DAP3: variants seen among roughly 807,000 people sequenced by gnomAD.
DAP3 encodes the protein small ribosomal subunit protein mS29.
A neutral mutation model predicts 51.9 loss-of-function variants in DAP3; 28 were observed. The observed-to-expected ratio is 0.54, with a 90% confidence interval of 0.40 to 0.74. The LOEUF is 0.74. Ranked by LOEUF, DAP3 falls within the 30% of genes least tolerant of loss-of-function variation. The pLI, the probability that DAP3 is intolerant of heterozygous loss-of-function variation, is 0.00. For synonymous variants in DAP3, 170 were observed against 170.3 expected, an observed-to-expected ratio of 1.00 and a Z score of 0.01; for missense variants, 458 against 483.5, an observed-to-expected ratio of 0.95 and a Z score of 0.49.
intron 6 of DAP3, 144 bp downstream of exon 6, chr1:155,726,163 G>T: frequency 1.6e-6 from 1 of 631,624 alleles, no homozygotes; most frequent in Non-Finnish European, 2.5e-6. Flanking sequence ...GGCCAGTCTG[G>T]AGTGCAGAGG....
intron 1 of DAP3, among the ~76,000 whole-genome samples, chr1:155,696,093 G>A (rs944325469): frequency 3.3e-5 from 5 of 152,138 alleles, no homozygotes; most frequent in African/African-American, 1.2e-4. Context: ...ATTTGCATAT[G>A]AGCCTGTCCA....
intron 2 of DAP3, 60 bp downstream of exon 2, chr1:155,709,884 T>C: frequency 6.6e-7 from 1 of 1,520,346 alleles, no homozygotes; most frequent in Non-Finnish European, 9.0e-7. Context: ...CAGATTCTTG[T>C]TTTCAGATGG....
chr1:155,717,149 T>C (rs1571508243), intron 3 of DAP3, 21 bp downstream of exon 3: 1 of 1,607,612 alleles, frequency 6.2e-7, no homozygotes, highest in African/African-American at 1.3e-5. Flanking sequence ...AATATGTATA[T>C]GGGGTTTCTC....
rs1571526953 is a variant in DAP3, at chr1:155,721,938, A to G, written c.270+320A>G. ...TGCTGCACAAAAGCAAAATCATAGT[A>G]CACTCCTGAGCTAAATAGAAGCAAT... On this transcript the variant is annotated intron_variant, in intron 4 of 12. Transcript: ENST00000368336. 10 of 468,044 alleles carry G rather than the reference A, an allele frequency of 2.1e-5. No individual in the cohort carries two copies. In the East Asian group the frequency reaches 2.9e-4, roughly 13 times the overall value. 29.0% of individuals were successfully genotyped at this position (468,044 alleles called of 1,614,324 possible). A position where few individuals can be genotyped will look rare whatever the true frequency, so the allele number is the denominator to read the frequency against.
At chr1:155,718,417 G>C (rs139099643) in intron 3 of DAP3, among the ~76,000 whole-genome samples, 233 of 152,116 alleles carry the variant, frequency 1.5e-3, no homozygotes, top group African/African-American at 5.0e-3. Context: ...GAGTGAGGTG[G>C]CTCACGCCTG....
upstream of DAP3, chr1:155,688,676 C>G: frequency 1.3e-6 from 2 of 1,532,194 alleles, no homozygotes; most frequent in Non-Finnish European, 1.7e-6. Flanking sequence ...GGCGCGAGCC[C>G]AAGCCTTCTC....
intron 7 of DAP3, 141 bp from the exon 8 acceptor site, chr1:155,728,901 C>A: frequency 1.5e-6 from 1 of 687,332 alleles, no homozygotes; most frequent in Non-Finnish European, 2.4e-6. Flanking sequence ...TTCACTTCTA[C>A]ATTGAGGTCT....
chr1:155,702,144 C>A, intron 1 of DAP3, among the ~76,000 whole-genome samples: 1 of 133,942 alleles, frequency 7.5e-6, no homozygotes, highest in Admixed American at 7.5e-5. Context: ...AAAATTGATT[C>A]TGCCTATAAA....
chr1:155,701,140 T>A lies in DAP3; in HGVS notation c.-7-8633T>A, dbSNP rs376463629. On this transcript the variant is annotated intron_variant, in intron 1 of 12. Transcript: ENST00000368336. Reference sequence around the variant, plus strand: ...CCGGCCGCCCCTACTGGGAAGTGAGTAGCCCCTCTGCCCGGCCACCACCCC... The same window carrying A: ...CCGGCCGCCCCTACTGGGAAGTGAGAAGCCCCTCTGCCCGGCCACCACCCC... Among the ~76,000 whole-genome samples the A allele has an allele frequency of 2.6e-4, 29 of 109,646 alleles. No homozygotes were observed. In the East Asian group the frequency reaches 7.6e-3, roughly 29 times the overall value. 71.9% of individuals were successfully genotyped at this position (109,646 alleles called of 152,430 possible).
intron 4 of DAP3, among the ~76,000 whole-genome samples, chr1:155,723,794 T>C (rs1658262589): frequency 6.6e-6 from 1 of 152,158 alleles, no homozygotes; most frequent in Non-Finnish European, 1.5e-5. Flanking sequence ...ATTCCAGCAC[T>C]TTGGGAAGCT....
chr1:155,736,079 T>C (rs906649679), intron 11 of DAP3, among the ~76,000 whole-genome samples: 1 of 152,072 alleles, frequency 6.6e-6, no homozygotes, highest in East Asian at 1.9e-4. Context: ...GACCTTGTGA[T>C]CTGCCCGCCT....
chr1:155,689,557 T>G, intron 1 of DAP3: 1 of 379,952 alleles, frequency 2.6e-6, no homozygotes, highest in Non-Finnish European at 5.2e-6. Context: ...TGTTAGTTCC[T>G]TATCAAAAAG....
At chr1:155,727,426 C>T (rs1658723401) in intron 6 of DAP3, 182 bp from the exon 7 acceptor site, 4 of 484,262 alleles carry the variant, frequency 8.3e-6, no homozygotes, top group Admixed American at 4.6e-5. Flanking sequence ...ACTGTGATCA[C>T]ATCCTGCCTT....
intron 1 of DAP3, among the ~76,000 whole-genome samples, chr1:155,701,682 AT>A (rs1358157465): frequency 0.019 from 2,642 of 139,804 alleles, 77 homozygotes; most frequent in African/African-American, 0.078. Flanking sequence ...CAATAAAAAA[AT>A]AAATTAAAAA....
At chr1:155,735,838 A>ATTTTTTT (rs35138415) in intron 11 of DAP3, among the ~76,000 whole-genome samples, 1 of 82,462 alleles carries the variant, frequency 1.2e-5, no homozygotes, top group Non-Finnish European at 2.4e-5. Context: ...CGCCTGGCTA[A>ATTTTTTT]TTTTTTTTTT....
At chr1:155,696,548 G>C (rs1571425880) in intron 1 of DAP3, among the ~76,000 whole-genome samples, 2 of 152,336 alleles carry the variant, frequency 1.3e-5, no homozygotes, top group Non-Finnish European at 2.9e-5. Flanking sequence ...TGAAAAGGAA[G>C]AGTTGTTTGA....
chr1:155,721,897 A>C (rs868361301), intron 4 of DAP3: 1 of 518,060 alleles, frequency 1.9e-6, no homozygotes, highest in Non-Finnish European at 3.4e-6. Context: ...GCAAAATATC[A>C]TGAAAATAGT....
intron 2 of DAP3, among the ~76,000 whole-genome samples, chr1:155,713,289 G>A (rs1002986228): frequency 6.6e-6 from 1 of 152,216 alleles, no homozygotes; most frequent in Non-Finnish European, 1.5e-5. Context: ...GCTGAGAAGT[G>A]TAGAGAACGA....
intron 6 of DAP3, 89 bp downstream of exon 6, chr1:155,726,108 CTTTTCTTTTTT>C: frequency 3.3e-6 from 3 of 902,002 alleles, no homozygotes; most frequent in Non-Finnish European, 4.7e-6. Flanking sequence ...CTTTTCTTTT[CTTTTCTTTTTT>C]TTTTTTTTTT....
Sources: allele counts gnomAD v4.1 joint callset (sites outside exome capture counted in the v4.1 genomes callset), GRCh38; gene constraint gnomAD v4.1.1; transcripts MANE v1.5; gene names NCBI Gene and HGNC (gene_info 2026-07-23, HGNC 2026-07-21).